Variants in DNAH12 observed in about 807,000 individuals in gnomAD.
DNAH12 encodes axonemal beta dynein heavy chain 12.
Under a neutral mutation model 371.5 loss-of-function variants are expected in DNAH12, and 285 were observed. That is an observed-to-expected ratio of 0.77 (90% confidence interval 0.70 to 0.85). DNAH12 has a LOEUF of 0.85. DNAH12 is among the 40% of genes least tolerant of loss of function. DNAH12 has a pLI of 0.00. For synonymous variants in DNAH12, 1,200 were observed against 1,213.0 expected, an observed-to-expected ratio of 0.99 and a Z score of 0.22; for missense variants, 3,611 against 3,689.4, an observed-to-expected ratio of 0.98 and a Z score of 0.55.
At chr3:57,396,633 C>T (rs1342377525) in intron 43 of DNAH12, among the ~76,000 whole-genome samples, 1 of 151,854 alleles carries the variant, frequency 6.6e-6, no homozygotes, top group African/African-American at 2.4e-5. Context: ...CCTGCCTCAG[C>T]CTCCCAAGTA....
chr3:57,406,153 C>A (rs1490180013), intron 40 of DNAH12, among the ~76,000 whole-genome samples: 6 of 152,178 alleles, frequency 3.9e-5, no homozygotes, highest in Non-Finnish European at 8.8e-5. Flanking sequence ...GAGTTCGAGA[C>A]AAGCCTGGCC....
rs1029778508 is a variant in DNAH12, at chr3:57,334,555, C to T, written c.9888G>A (p.Glu3296=). The stretch of plus-strand genomic sequence containing the variant: ...GTGCTGGAAATTTAGCATTATGTGG[C>T]TCTTTACTGTCATAGATTTCTCGCC... ...YEWREIYDSK[E]PHNAKFPAPM... The change falls in exon 62 of 74, where the codon GAG becomes GAA. Residue 3296 remains glutamate, a synonymous_variant. Transcript: ENST00000495027. 6 of 1,550,722 alleles carry T rather than the reference C, an allele frequency of 3.9e-6. No homozygotes were observed. The highest frequency in any genetic ancestry group is 5.2e-6 in the Non-Finnish European group (6 of 1,146,852).
intron 30 of DNAH12, among the ~76,000 whole-genome samples, chr3:57,434,695 T>G (rs1040269994): frequency 6.6e-6 from 1 of 152,208 alleles, no homozygotes; most frequent in African/African-American, 2.4e-5. Flanking sequence ...ATTATTGTCA[T>G]GCAATGAATG....
rs906149582 is a variant in DNAH12 at position 57,433,743 on chromosome 3, C to CATG, written c.4738_4740dup (p.His1580dup). The CATG allele has an allele frequency of 7.1e-6, 11 of 1,551,254 alleles. No homozygotes were observed. The African/African-American group carries it at 1.5e-4, about 21-fold the overall frequency. On this transcript the variant is annotated inframe_insertion, in exon 31 of 74. Coordinates refer to ENST00000495027, the MANE Select transcript of DNAH12 (RefSeq NM_001366028.2). Reference sequence around the variant, plus strand: ...ATGACCTTTTCTTCCTCTCCATAGCCATGTTCATTCATTAAAGTTAGCGTA... The same window carrying CATG: ...ATGACCTTTTCTTCCTCTCCATAGCCATGATGTTCATTCATTAAAGTTAGCGTA...
chr3:57,302,032 T>G, intron 69 of DNAH12, 93 bp from the exon 70 acceptor site: 2 of 1,366,300 alleles, frequency 1.5e-6, no homozygotes, highest in East Asian at 2.5e-5. Context: ...ATTCCCAGCT[T>G]TATGGGATTG....
In DNAH12 at chr3:57,502,324, A is replaced by G. The variant is rs775915344; in HGVS notation, c.1242T>C (p.Tyr414=). 2 of 1,613,964 alleles carry G rather than the reference A, an allele frequency of 1.2e-6. No individual in the cohort carries two copies. Among genetic ancestry groups the G allele is most frequent in the Non-Finnish European group, 1.7e-6 (2 of 1,179,944 alleles). ...LEGARKHYET[Y]VEKYNWLLDG... ...TAATATTATGTATGTCATACACACC[A>G]TATGTCTCATAATGCTTTCTTGCAC... Residue 414 remains tyrosine, a splice_region_variant and synonymous_variant, in exon 10 of 74, where the codon TAT becomes TAC. Transcript: ENST00000495027.
chr3:57,331,634 T>C (rs774094226), intron 62 of DNAH12, among the ~76,000 whole-genome samples: 7 of 152,178 alleles, frequency 4.6e-5, no homozygotes, highest in Non-Finnish European at 7.3e-5. Flanking sequence ...AATTTTTTTC[T>C]TTTAAAAAAA....
At chr3:57,348,676 G>A (rs182902763) in intron 60 of DNAH12, among the ~76,000 whole-genome samples, 1 of 152,230 alleles carries the variant, frequency 6.6e-6, no homozygotes, top group East Asian at 1.9e-4. Flanking sequence ...GGATGGGCAA[G>A]ATATAGAAAA....
At chr3:57,332,011 C>T (rs1047836578) in intron 62 of DNAH12, among the ~76,000 whole-genome samples, 5 of 152,052 alleles carry the variant, frequency 3.3e-5, no homozygotes, top group Non-Finnish European at 7.4e-5. Flanking sequence ...TTAGTAATTT[C>T]CCCCCACCCT....
intron 66 of DNAH12, 94 bp downstream of exon 66, chr3:57,314,400 T>C (rs1458650543): frequency 1.4e-6 from 2 of 1,452,608 alleles, no homozygotes; most frequent in East Asian, 2.5e-5. Context: ...CTGTTAGTGT[T>C]GGGAGAAGTG....
intron 11 of DNAH12, among the ~76,000 whole-genome samples, chr3:57,500,788 G>A (rs1448758989): frequency 1.3e-5 from 2 of 151,798 alleles, no homozygotes; most frequent in South Asian, 2.1e-4. Flanking sequence ...ACAGTGTCTC[G>A]CCCTGTTGCC....
Position 57,444,814 on chromosome 3 carries a change from A to C in DNAH12, c.4428T>G (p.Leu1476=), listed in dbSNP as rs2065426338. 6.5e-7 allele frequency: 1 copy of C among 1,539,876 alleles called. No homozygotes were observed. Among genetic ancestry groups the C allele is most frequent in the Non-Finnish European group, 8.8e-7 (1 of 1,142,652 alleles). The change falls in exon 29 of 74, where the codon CTT becomes CTG. Residue 1476 remains leucine, a splice_region_variant and synonymous_variant. Coordinates refer to ENST00000495027, the MANE Select transcript of DNAH12 (RefSeq NM_001366028.2). ...CATTTACATCTTTAATTGATCGAAG[A>C]AGCTAAAATTACCCAAAAAGTACAA... The part of the protein sequence containing the change: ...KYPNENEDIL[L]LRSIKDVNEP...
At chr3:57,419,227 T>G in intron 37 of DNAH12, 140 bp downstream of exon 37, 1 of 804,358 alleles carries the variant, frequency 1.2e-6, no homozygotes, top group East Asian at 3.4e-5. Flanking sequence ...GCAACAGATG[T>G]CACTTTCAAC....
At chr3:57,506,425 TTTATTTATTTATTTAC>T (rs1205708656) in intron 8 of DNAH12, among the ~76,000 whole-genome samples, 1 of 152,088 alleles carries the variant, frequency 6.6e-6, no homozygotes, top group Non-Finnish European at 1.5e-5. Context: ...TGTTTATTCA[TTTATTTATTTATTTAC>T]TTATTTATTT....
At chr3:57,421,826 G>A (rs1236851411) in intron 35 of DNAH12, 120 bp from the exon 36 acceptor site, 7 of 1,010,342 alleles carry the variant, frequency 6.9e-6, no homozygotes, top group Non-Finnish European at 1.0e-5. Flanking sequence ...GGTCGTAAGT[G>A]TAAATAAAGT....
chr3:57,510,478 A>C (rs1046854374), intron 5 of DNAH12, among the ~76,000 whole-genome samples: 1 of 152,034 alleles, frequency 6.6e-6, no homozygotes, highest in African/African-American at 2.4e-5. Flanking sequence ...ATCTCTACCA[A>C]AAAATAAAAA....
chr3:57,381,757 AGGATCTT>A (rs2063396642), intron 50 of DNAH12, among the ~76,000 whole-genome samples: 1 of 152,190 alleles, frequency 6.6e-6, no homozygotes, highest in African/African-American at 2.4e-5. Flanking sequence ...ATACCCAGAA[AGGATCTT>A]AGCTGGAAAA....
intron 15 of DNAH12, 96 bp downstream of exon 15, chr3:57,471,376 A>G: frequency 8.4e-7 from 1 of 1,185,918 alleles, no homozygotes; most frequent in African/African-American, 1.6e-5. Flanking sequence ...ATAAAAAAAT[A>G]GTAAACATAT....
chr3:57,457,611 A>G, intron 22 of DNAH12, 110 bp downstream of exon 22: 1 of 1,194,864 alleles, frequency 8.4e-7, no homozygotes, highest in Non-Finnish European at 1.1e-6. Flanking sequence ...TAAAGAAAAT[A>G]AATGATTTAA....
Sources: gnomAD v4.1 joint callset for allele counts (sites outside exome capture counted in the v4.1 genomes callset) on GRCh38, gnomAD v4.1.1 for gene constraint, MANE v1.5 for transcripts, NCBI Gene and HGNC (gene_info 2026-07-23, HGNC 2026-07-21) for gene names.